CLCN7: variants seen among roughly 807,000 people sequenced by gnomAD.
CLCN7 encodes Cl-/H+ antiporter 7, also known as H(+)/Cl(-) exchange transporter 7.
In CLCN7, 60 loss-of-function variants were observed where a neutral mutation model predicts 102.1. That is an observed-to-expected ratio of 0.59 (90% CI 0.48 to 0.73). CLCN7 has a LOEUF of 0.73. CLCN7 is among the 30% of genes least tolerant of loss of function. The probability of loss-of-function intolerance (pLI) is 0.00; values close to 1 mark genes in which losing one functional copy is unlikely to be tolerated. For missense variants in CLCN7, 962 were observed against 1,125.7 expected, an observed-to-expected ratio of 0.85 and a Z score of 2.08; for synonymous variants, 560 against 490.5, an observed-to-expected ratio of 1.14 and a Z score of -1.87.
chr16:1,464,388 C>T (rs1413668169), intron 2 of CLCN7, among the ~76,000 whole-genome samples: 1 of 152,222 alleles, frequency 6.6e-6, no homozygotes, highest in Non-Finnish European at 1.5e-5. Context: ...AGAGCAAAGG[C>T]TTTGAAGTCC....
chr16:1,466,712 A>G (rs2744999), intron 1 of CLCN7: 93,254 of 151,776 alleles, frequency 0.61, 29,538 homozygotes, highest in African/African-American at 0.73. Context: ...CAGCACTTTC[A>G]GAGGCTGAGG....
intron 17 of CLCN7, 41 bp from the exon 18 acceptor site, chr16:1,449,368 G>A (rs1211889462): frequency 6.4e-7 from 1 of 1,559,770 alleles, no homozygotes; most frequent in South Asian, 1.2e-5. Flanking sequence ...TGTGGTGGCA[G>A]GCCCAAACCC....
intron 15 of CLCN7, chr16:1,452,108 C>T (rs762367526): frequency 1.6e-5 from 5 of 322,308 alleles, no homozygotes; most frequent in Non-Finnish European, 3.1e-5. Context: ...TCCTGGGCTC[C>T]AGCAGCACAG....
At position 1,452,806 on chromosome 16, in the gene CLCN7, C is replaced by T. The variant is rs140669487; in HGVS notation, c.1302G>A (p.Ser434=). 1.8e-4 allele frequency: 292 copies of T among 1,606,016 alleles called. No individual in the cohort carries two copies. Among genetic ancestry groups the T allele is most frequent in the African/African-American group, 2.4e-4 (18 of 74,822 alleles). ...TATVAFVLIY[S]SRDCQPLQGG... is the part of the protein sequence containing the mutation. Reference sequence around the variant, plus strand: ...CCTGCAGGGGCTGGCAATCCCGCGACGAGTAGATCAGCACGAAGGCAACTG... The same window carrying T: ...CCTGCAGGGGCTGGCAATCCCGCGATGAGTAGATCAGCACGAAGGCAACTG... Residue 434 remains serine, a synonymous_variant, in exon 15 of 25, where the codon TCG becomes TCA. Transcript: ENST00000382745.
chr16:1,474,751 G>A, intron 1 of CLCN7, 83 bp downstream of exon 1: 6 of 1,141,228 alleles, frequency 5.3e-6, no homozygotes, highest in Non-Finnish European at 6.6e-6. Context: ...GAGACACGCG[G>A]CGCCGCCAGA....
At chr16:1,464,548 C>T (rs978528568) in intron 2 of CLCN7, among the ~76,000 whole-genome samples, 8 of 152,252 alleles carry the variant, frequency 5.3e-5, no homozygotes, top group African/African-American at 1.9e-4. Flanking sequence ...GCGCCGGCCT[C>T]GGGAGCGACT....
chr16:1,456,306 G>C (rs1201872659), intron 9 of CLCN7, 100 bp from the exon 10 acceptor site: 2 of 868,632 alleles, frequency 2.3e-6, no homozygotes, highest in Non-Finnish European at 3.8e-6. Flanking sequence ...AGGGGAAGGG[G>C]CTTTCAGGAC....
At chr16:1,471,509 C>G (rs2039077479) in intron 1 of CLCN7, 1 of 152,240 alleles carries the variant, frequency 6.6e-6, no homozygotes, top group South Asian at 2.1e-4. Flanking sequence ...AGACCCTCCC[C>G]CAGAAAAGCA....
At chr16:1,454,924 C>A (rs1316229623) in intron 12 of CLCN7, among the ~76,000 whole-genome samples, 1 of 152,218 alleles carries the variant, frequency 6.6e-6, no homozygotes, top group South Asian at 2.1e-4. Context: ...ATCCCAGGTG[C>A]CCTGCTGGTC....
intron 6 of CLCN7, 58 bp from the exon 7 acceptor site, chr16:1,459,245 C>T (rs534540950): frequency 4.5e-6 from 6 of 1,337,456 alleles, no homozygotes; most frequent in South Asian, 3.8e-5. Flanking sequence ...AGATGCAGCC[C>T]CTCAGCCCCA....
At position 1,457,754 on chromosome 16, in the gene CLCN7, C is replaced by T. The variant is rs201175959; in HGVS notation, c.678G>A (p.Thr226=). ...TCACACCGGACACTTTGATCACCAA[C>T]GTCTGAAACACAGGGAGACGCATGG... ...VKIPHVVRLK[T]LVIKVSGVIL... The change falls in exon 8 of 25, where the codon ACG becomes ACA. Residue 226 remains threonine, a splice_region_variant and synonymous_variant. Transcript: ENST00000382745. The surrounding 1 kb of genome is among the most constrained non-coding windows in gnomAD (Gnocchi z 5.4). The T allele has an allele frequency of 1.0e-4, 161 of 1,613,770 alleles. No individual in the cohort carries two copies. The highest frequency in any genetic ancestry group is 6.1e-4 in the South Asian group (56 of 91,096).
intron 14 of CLCN7, among the ~76,000 whole-genome samples, chr16:1,453,356 G>A (rs2142375489): frequency 6.6e-6 from 1 of 152,264 alleles, no homozygotes; most frequent in South Asian, 2.1e-4. Flanking sequence ...ATGTCCTGGG[G>A]TCGTCCTCTT....
chr16:1,469,080 C>A (rs956763324), intron 1 of CLCN7, among the ~76,000 whole-genome samples: 4 of 151,064 alleles, frequency 2.6e-5, no homozygotes, highest in Non-Finnish European at 5.9e-5. Context: ...GTGGTGCACA[C>A]CTGTAATCCC....
At position 1,447,069 on chromosome 16, in the gene CLCN7, C is replaced by T; in HGVS notation, c.2268G>A (p.Arg756=). 1 of 1,600,958 alleles carries T rather than the reference C, an allele frequency of 6.2e-7. No individual in the cohort carries two copies. The highest frequency in any genetic ancestry group is 1.3e-5 in the African/African-American group (1 of 74,852). The stretch of plus-strand genomic sequence containing the variant: ...CCAGGGCCCGGAACAGCTTGAACAC[C>T]CGTGGGAGCGACGCCTCCTGCAGCA... The part of the protein sequence containing the change: ...YTVPQEASLP[R]VFKLFRALGL... Residue 756 remains arginine, a synonymous_variant, in exon 24 of 25, where the codon CGG becomes CGA. Transcript: ENST00000382745.
At chr16:1,449,586 G>A (rs768817767) in intron 17 of CLCN7, 16 of 579,196 alleles carry the variant, frequency 2.8e-5, no homozygotes, top group Non-Finnish European at 4.0e-5. Flanking sequence ...CAGTCACCAC[G>A]CAGCAGCCCA....
At chr16:1,462,426 A>T (rs1253639346) in intron 2 of CLCN7, among the ~76,000 whole-genome samples, 1 of 128,134 alleles carries the variant, frequency 7.8e-6, no homozygotes, top group Non-Finnish European at 1.6e-5. Flanking sequence ...CCCAGGCTAG[A>T]GTGCAGTGAC....
At chr16:1,447,922 C>T (rs565699475) in intron 21 of CLCN7, among the ~76,000 whole-genome samples, 3 of 152,352 alleles carry the variant, frequency 2.0e-5, no homozygotes, top group African/African-American at 4.8e-5. Context: ...GACAGGGTAG[C>T]GGGGCCTGAC....
In CLCN7 at chr16:1,446,120, G is replaced by A; in HGVS notation, c.*511C>T. ...CCAAACCCTGGTGCTACGAGTCCGT[G>A]CCTCAGGCCCAGGGACCACAGGCCG... On this transcript the variant is annotated 3_prime_UTR_variant, in exon 25 of 25. Coordinates refer to ENST00000382745, the MANE Select transcript of CLCN7 (RefSeq NM_001287.6). 1 of 597,932 alleles carries A rather than the reference G, an allele frequency of 1.7e-6. No individual in the cohort carries two copies. Among genetic ancestry groups the A allele is most frequent in the Non-Finnish European group, 3.0e-6 (1 of 336,526 alleles). The allele number at this position is 597,932 out of a possible 1,614,324, so 37.0% of individuals were successfully genotyped here.
At position 1,459,713 on chromosome 16, in the gene CLCN7, C is replaced by T. The variant is rs367703534; in HGVS notation, c.595-526G>A. On this transcript the variant is annotated intron_variant, in intron 6 of 24. Coordinates refer to ENST00000382745, the MANE Select transcript of CLCN7 (RefSeq NM_001287.6). Reference sequence around the variant, plus strand: ...GGGAAGGGGAGCTCAGCACACATGTCGGGGCCTCAGGGAAGGGGAGCTCAG... The same window carrying T: ...GGGAAGGGGAGCTCAGCACACATGTTGGGGCCTCAGGGAAGGGGAGCTCAG... Among the ~76,000 whole-genome samples, 3 of 44,426 alleles carry T rather than the reference C, an allele frequency of 6.8e-5. 1 individual carries two copies. Among genetic ancestry groups the T allele is most frequent in the African/African-American group, 4.2e-4 (3 of 7,126 alleles). The allele number at this position is 44,426 out of a possible 152,430, so 29.1% of individuals were successfully genotyped here.
Sources: allele counts gnomAD v4.1 joint callset (sites outside exome capture counted in the v4.1 genomes callset), GRCh38; gene constraint gnomAD v4.1.1; non-coding constraint Gnocchi (gnomAD v3.1); transcripts MANE v1.5; gene names NCBI Gene and HGNC (gene_info 2026-07-23, HGNC 2026-07-21).